The following DPP10 variants were observed in gnomAD, a reference collection of about 807,000 sequenced individuals.
DPP10 encodes the protein dipeptidyl peptidase like 10.
In DPP10, 33 loss-of-function variants were observed where a neutral mutation model predicts 120.9. That is an observed-to-expected ratio of 0.27 (90% CI 0.21 to 0.37). The LOEUF (loss-of-function observed/expected upper bound fraction) is 0.37, where lower values mean the gene tolerates loss of function less well. Ranked by LOEUF, DPP10 falls within the 10% of genes least tolerant of loss-of-function variation. The pLI, the probability that DPP10 is intolerant of heterozygous loss-of-function variation, is 1.00. For missense variants in DPP10, 816 were observed against 942.8 expected, an observed-to-expected ratio of 0.87 and a Z score of 1.76; for synonymous variants, 337 against 326.1, an observed-to-expected ratio of 1.03 and a Z score of -0.36.
intron 1 of DPP10, among the ~76,000 whole-genome samples, chr2:114,805,195 C>T (rs1684619115): frequency 6.6e-6 from 1 of 152,154 alleles, no homozygotes; most frequent in South Asian, 2.1e-4. Context: ...ACCTGTAAGT[C>T]CAATTAAACC....
intron 1 of DPP10, among the ~76,000 whole-genome samples, chr2:114,897,629 A>G (rs1574442103): frequency 6.6e-6 from 1 of 151,936 alleles, no homozygotes; most frequent in African/African-American, 2.4e-5. Flanking sequence ...AGAATCTACA[A>G]TGAACTCAAA....
intron 5 of DPP10, among the ~76,000 whole-genome samples, chr2:115,644,507 AT>A (rs559082370): frequency 2.0e-5 from 3 of 152,116 alleles, no homozygotes; most frequent in African/African-American, 4.8e-5. Context: ...GCAATGGCTC[AT>A]ACCTATAAAC....
chr2:114,564,171 G>A (rs1689006201), intron 1 of DPP10, among the ~76,000 whole-genome samples: 1 of 152,112 alleles, frequency 6.6e-6, no homozygotes, highest in South Asian at 2.1e-4. Context: ...ATATTCTAAT[G>A]GGAGGTGTAA....
At chr2:115,696,137 A>G (rs527796142) in intron 7 of DPP10, among the ~76,000 whole-genome samples, 1 of 152,276 alleles carries the variant, frequency 6.6e-6, no homozygotes, top group East Asian at 1.9e-4. Context: ...GTGGGGCAAC[A>G]TAAGGATTAT....
intron 2 of DPP10, among the ~76,000 whole-genome samples, chr2:115,318,046 TG>T (rs1423371735): frequency 6.6e-6 from 1 of 152,126 alleles, no homozygotes; most frequent in Non-Finnish European, 1.5e-5. Context: ...ATCTGTCTTT[TG>T]TTTTTTTTAA....
At chr2:115,328,125 C>A (rs185447356) in intron 2 of DPP10, among the ~76,000 whole-genome samples, 1 of 152,076 alleles carries the variant, frequency 6.6e-6, no homozygotes, top group Non-Finnish European at 1.5e-5. Flanking sequence ...TAGAATCAAG[C>A]AACATATGTG....
chr2:114,913,723 G>A (rs1694563585), intron 1 of DPP10, among the ~76,000 whole-genome samples: 1 of 152,170 alleles, frequency 6.6e-6, no homozygotes, highest in Non-Finnish European at 1.5e-5. Flanking sequence ...GACTAAAATG[G>A]CTGAAATTAC....
intron 1 of DPP10, among the ~76,000 whole-genome samples, chr2:114,806,274 A>G (rs934313197): frequency 6.6e-6 from 1 of 152,230 alleles, no homozygotes; most frequent in Non-Finnish European, 1.5e-5. Flanking sequence ...TCTCATGAAA[A>G]TGTTTGCAAC....
intron 1 of DPP10, among the ~76,000 whole-genome samples, chr2:114,828,111 G>A (rs1248239506): frequency 1.3e-5 from 2 of 152,082 alleles, no homozygotes; most frequent in Admixed American, 6.5e-5. Context: ...TTTTTGAAAA[G>A]AGTGGCATAT....
intron 5 of DPP10, among the ~76,000 whole-genome samples, chr2:115,546,340 T>C (rs968376984): frequency 1.3e-5 from 2 of 152,160 alleles, no homozygotes; most frequent in African/African-American, 4.8e-5. Context: ...CATCTACATA[T>C]ATATGTACTT....
chr2:115,651,809 G>C (rs1373498027), intron 5 of DPP10, among the ~76,000 whole-genome samples: 1 of 152,072 alleles, frequency 6.6e-6, no homozygotes. Context: ...GACAGCCTTT[G>C]TAAGTTTTGC....
At chr2:115,278,781 C>A (rs1160469818) in intron 1 of DPP10, among the ~76,000 whole-genome samples, 1 of 152,108 alleles carries the variant, frequency 6.6e-6, no homozygotes, top group Non-Finnish European at 1.5e-5. Context: ...GACCAAAACA[C>A]CTCCCACTAG....
At chr2:115,163,559 T>A (rs2052599933) in intron 1 of DPP10, among the ~76,000 whole-genome samples, 2 of 152,144 alleles carry the variant, frequency 1.3e-5, no homozygotes, top group African/African-American at 4.8e-5. Flanking sequence ...TTCCTCCTAA[T>A]CCCCAGCACA....
rs1486551638 is a variant in DPP10, at chr2:114,661,939, T to C, written c.60+219101T>C. On this transcript the variant is annotated intron_variant, in intron 1 of 25. Transcript: ENST00000410059. ...GGTTGACAAAGGAACTTAATCTTTATGAACTTGGGCTCTCCGGGATCGCGC... is the reference window on the plus strand; with the variant it reads ...GGTTGACAAAGGAACTTAATCTTTACGAACTTGGGCTCTCCGGGATCGCGC... Among the ~76,000 whole-genome samples, 4 of 151,794 alleles carry C rather than the reference T, an allele frequency of 2.6e-5. No individual in the cohort carries two copies. In the East Asian group the frequency reaches 5.8e-4, roughly 22 times the overall value.
intron 24 of DPP10, among the ~76,000 whole-genome samples, chr2:115,838,541 G>A (rs1019116064): frequency 5.3e-5 from 8 of 152,122 alleles, no homozygotes; most frequent in African/African-American, 1.9e-4. Flanking sequence ...GTGCCCTGAA[G>A]CCTTATTCAT....
chr2:115,592,898 G>A (rs1304729179), intron 5 of DPP10, among the ~76,000 whole-genome samples: 3 of 152,158 alleles, frequency 2.0e-5, no homozygotes, highest in East Asian at 3.9e-4. Flanking sequence ...TGCTGGCACT[G>A]CAGCAGGCAT....
intron 4 of DPP10, among the ~76,000 whole-genome samples, 169 bp downstream of exon 4, chr2:115,499,773 T>C (rs1047615759): frequency 2.7e-4 from 41 of 152,046 alleles, no homozygotes; most frequent in Non-Finnish European, 8.8e-5. Context: ...AAAAATACCC[T>C]GTGACTATCT....
At position 115,840,696 on chromosome 2, in the gene DPP10, A is replaced by T. The variant is rs1690051387; in HGVS notation, c.2183-54A>T. 13 of 1,507,974 alleles carry T rather than the reference A, an allele frequency of 8.6e-6. No individual in the cohort carries two copies. The South Asian group carries it at 1.1e-4, about 13-fold the overall frequency. The allele number at this position is 1,507,974 out of a possible 1,614,324, so 93.4% of individuals were successfully genotyped here. A position where few individuals can be genotyped will look rare whatever the true frequency, so the allele number is the denominator to read the frequency against. ...ATCTCTTTGAAAAATAATATGAAAAAGTTCTCATACAAGCAGTGTGTTTCT... is the reference window on the plus strand; with the variant it reads ...ATCTCTTTGAAAAATAATATGAAAATGTTCTCATACAAGCAGTGTGTTTCT... On this transcript the variant is annotated intron_variant, in intron 24 of 25. Transcript: ENST00000410059.
rs1174077310 is a variant in DPP10 at position 115,514,927 on chromosome 2, TAAAC to T, written c.367-10968_367-10965del. ...GTATATATCTTCATGGATCTATACA[TAAAC>T]AATATAATATTCTATAATATATACA... On this transcript the variant is annotated intron_variant, in intron 4 of 25. Transcript: ENST00000410059. Among the ~76,000 whole-genome samples, 6 of 151,896 alleles carry T rather than the reference TAAAC, an allele frequency of 4.0e-5. No individual in the cohort carries two copies. The East Asian group carries it at 7.7e-4, about 19-fold the overall frequency.
Sources: allele counts gnomAD v4.1 joint callset (sites outside exome capture counted in the v4.1 genomes callset), GRCh38; gene constraint gnomAD v4.1.1; transcripts MANE v1.5; gene names NCBI Gene and HGNC (gene_info 2026-07-23, HGNC 2026-07-21).